FREM1: variants seen among roughly 807,000 people sequenced by gnomAD.
FREM1 encodes the protein FRAS1-related extracellular matrix protein 1.
A neutral mutation model predicts 210.1 loss-of-function variants in FREM1; 220 were observed. The observed-to-expected ratio is 1.05, with a 90% CI of 0.94 to 1.17. The LOEUF is 1.17. FREM1 is among the 50% of genes most tolerant of loss of function. The pLI is 0.00. For synonymous variants in FREM1, 1,189 were observed against 980.2 expected, an observed-to-expected ratio of 1.21 and a Z score of -3.98; for missense variants, 3,454 against 2,675.5, an observed-to-expected ratio of 1.29 and a Z score of -6.42.
At chr9:14,798,082 C>A (rs1852781210) in intron 20 of FREM1, among the ~76,000 whole-genome samples, 1 of 151,746 alleles carries the variant, frequency 6.6e-6, no homozygotes, top group Admixed American at 6.6e-5. Context: ...AATGGAAATT[C>A]AAGAGTCTCA....
intron 18 of FREM1, 63 bp downstream of exon 18, chr9:14,806,598 T>A: frequency 1.0e-6 from 1 of 969,138 alleles, no homozygotes. Context: ...AAGCATGACC[T>A]GGCCAATCGC....
intron 18 of FREM1, 27 bp from the exon 19 acceptor site, chr9:14,805,179 A>C (rs891559707): frequency 7.1e-7 from 1 of 1,401,846 alleles, no homozygotes; most frequent in East Asian, 2.4e-5. Flanking sequence ...TGGAACAGAT[A>C]AATAAAAAAA....
chr9:14,758,912 G>C (rs10961694), intron 28 of FREM1, among the ~76,000 whole-genome samples: 1 of 152,170 alleles, frequency 6.6e-6, no homozygotes, highest in Non-Finnish European at 1.5e-5. Context: ...GCCTGTATTA[G>C]TATATGCTCT....
At chr9:14,900,992 G>C (rs1280865462) in intron 1 of FREM1, among the ~76,000 whole-genome samples, 4 of 152,216 alleles carry the variant, frequency 2.6e-5, no homozygotes, top group Non-Finnish European at 4.4e-5. Context: ...TTAACATAAA[G>C]TTTAGCTACT....
At chr9:14,745,625 A>G (rs1842278859) in intron 35 of FREM1, among the ~76,000 whole-genome samples, 1 of 152,222 alleles carries the variant, frequency 6.6e-6, no homozygotes. Context: ...AATTTTATGA[A>G]GTACGAGATC....
At chr9:14,858,340 T>C (rs1829171188) in intron 4 of FREM1, among the ~76,000 whole-genome samples, 2 of 152,132 alleles carry the variant, frequency 1.3e-5, no homozygotes, top group Admixed American at 1.3e-4. Flanking sequence ...TCTTGTTTAG[T>C]ATATAATACT....
chr9:14,794,004 C>G (rs1005126591), intron 21 of FREM1, among the ~76,000 whole-genome samples: 1 of 152,128 alleles, frequency 6.6e-6, no homozygotes, highest in Non-Finnish European at 1.5e-5. Flanking sequence ...TTAATCAAAA[C>G]GGGAAGCCAA....
intron 5 of FREM1, among the ~76,000 whole-genome samples, chr9:14,855,488 A>C (rs760559869): frequency 6.6e-6 from 1 of 152,196 alleles, no homozygotes; most frequent in East Asian, 1.9e-4. Flanking sequence ...TTGACTGTAC[A>C]ACCATAAAAA....
intron 35 of FREM1, among the ~76,000 whole-genome samples, chr9:14,744,240 A>T (rs10733287): frequency 0.96 from 145,773 of 151,788 alleles, 70,164 homozygotes; most frequent in East Asian, 1. Flanking sequence ...TATTCGCTTT[A>T]AAAAAAATCT....
intron 1 of FREM1, among the ~76,000 whole-genome samples, chr9:14,905,376 A>G (rs1817512687): frequency 6.6e-6 from 1 of 152,214 alleles, no homozygotes; most frequent in Non-Finnish European, 1.5e-5. Context: ...TCAAATTCTC[A>G]AATAAACATT....
chr9:14,738,302 A>G (rs1419068783), intron 36 of FREM1, among the ~76,000 whole-genome samples: 2 of 152,224 alleles, frequency 1.3e-5, no homozygotes, highest in African/African-American at 4.8e-5. Context: ...TCCCTGCCAT[A>G]GCATGATCCG....
At chr9:14,872,395 G>A (rs1290837309) in intron 1 of FREM1, among the ~76,000 whole-genome samples, 5 of 152,170 alleles carry the variant, frequency 3.3e-5, no homozygotes, top group African/African-American at 1.2e-4. Flanking sequence ...TCCCTTGTAA[G>A]TTGGATGCCT....
At position 14,747,414 on chromosome 9, in the gene FREM1, A is replaced by G. The variant is rs4741426; in HGVS notation, c.5859T>C (p.Val1953=). 298,606 of 1,611,672 alleles carry G rather than the reference A, an allele frequency of 0.19. 29,266 individuals are homozygous for G. The highest frequency in any genetic ancestry group is 0.22 in the East Asian group (9,679 of 44,824). The change falls in exon 33 of 37, where the codon GTT becomes GTC. Residue 1953 remains valine, a synonymous_variant. Coordinates refer to ENST00000380880, the MANE Select transcript of FREM1 (RefSeq NM_001379081.2). ...AACTGTCATCCTCCAGTTTCAAGGA[A>G]ACTATCCCATGATACTTGAGGAAAC... ...TDIIYNYHGI[V]SLKLEDDSFP... is the part of the protein sequence containing the mutation.
intron 3 of FREM1, among the ~76,000 whole-genome samples, chr9:14,860,563 A>ATGTGTGTATATATGTG (rs1564098823): frequency 1.6e-5 from 2 of 125,032 alleles, no homozygotes; most frequent in Admixed American, 8.2e-5. Flanking sequence ...ATACACACAT[A>ATGTGTGTATATATGTG]TATATACACA....
intron 10 of FREM1, among the ~76,000 whole-genome samples, chr9:14,831,704 C>T (rs1398214554): frequency 6.6e-6 from 1 of 152,206 alleles, no homozygotes; most frequent in African/African-American, 2.4e-5. Flanking sequence ...GGGCCTTGCC[C>T]AATTACATGA....
At chr9:14,791,430 G>GGTGT (rs1031312240) in intron 22 of FREM1, among the ~76,000 whole-genome samples, 2 of 152,114 alleles carry the variant, frequency 1.3e-5, no homozygotes, top group African/African-American at 4.8e-5. Flanking sequence ...GTTAATTTAC[G>GGTGT]GTGTCATGCA....
rs555598223 is a variant in FREM1, at chr9:14,745,235, C to T, written c.6254+1118G>A. Reference sequence around the variant, plus strand: ...CATGACATACCATTTACCCAGGTAACAAGCCTGCACATTTACCCCTGAACT... The same window carrying T: ...CATGACATACCATTTACCCAGGTAATAAGCCTGCACATTTACCCCTGAACT... On this transcript the variant is annotated intron_variant, in intron 35 of 36. Transcript: ENST00000380880. Among the ~76,000 whole-genome samples the T allele has an allele frequency of 2.9e-3, 445 of 152,276 alleles. 1 individual carries two copies. Among genetic ancestry groups the T allele is most frequent in the Admixed American group, 4.9e-3 (75 of 15,300 alleles).
In FREM1 at chr9:14,748,623, T is replaced by G. The variant is rs770898698; in HGVS notation, c.5574A>C (p.Ser1858=). The G allele has an allele frequency of 6.2e-7, 1 of 1,613,000 alleles. No homozygotes were observed. The highest frequency in any genetic ancestry group is 8.5e-7 in the Non-Finnish European group (1 of 1,179,256). The part of the protein sequence containing the change: ...LDSKGGQCHP[S]YSSNQSKHST... Reference sequence around the variant, plus strand: ...TGTGCTTGCTTTGGTTGGAGGAATATGAAGGATGGCATTGTCCTGGAGGCA... The same window carrying G: ...TGTGCTTGCTTTGGTTGGAGGAATAGGAAGGATGGCATTGTCCTGGAGGCA... The change falls in exon 31 of 37, where the codon TCA becomes TCC. Residue 1858 remains serine (S), a synonymous_variant. Transcript: ENST00000380880.
At chr9:14,780,663 C>T (rs1003771208) in intron 24 of FREM1, among the ~76,000 whole-genome samples, 1 of 152,052 alleles carries the variant, frequency 6.6e-6, no homozygotes, top group African/African-American at 2.4e-5. Context: ...ATTAAACTCC[C>T]CCATTTAATT....
Sources: allele counts gnomAD v4.1 joint callset (sites outside exome capture counted in the v4.1 genomes callset), GRCh38; gene constraint gnomAD v4.1.1; transcripts MANE v1.5; gene names NCBI Gene and HGNC (gene_info 2026-07-23, HGNC 2026-07-21).